The following WWOX variants were observed in gnomAD, a reference collection of about 807,000 sequenced individuals.
The protein encoded by WWOX is WW domain containing oxidoreductase, also known as WW domain-containing oxidoreductase.
WWOX carries 69 observed loss-of-function variants against 46.2 expected under a neutral mutation model. The observed-to-expected ratio is 1.49, with a 90% CI of 1.23 to 1.82. WWOX has a LOEUF of 1.82. Ranked by LOEUF, WWOX falls within the 40% of genes most tolerant of loss-of-function variation. WWOX has a pLI of 0.00. For missense variants in WWOX, 919 were observed against 542.6 expected (o/e 1.69, Z -6.89); for synonymous variants, 359 against 202.6 (o/e 1.77, Z -6.56).
intron 6 of WWOX, among the ~76,000 whole-genome samples, chr16:78,396,743 C>G (rs1181500014): frequency 6.6e-6 from 1 of 152,186 alleles, no homozygotes; most frequent in East Asian, 1.9e-4. Context: ...TCTCATCAGC[C>G]AGACAGTCTC....
chr16:78,505,261 C>A (rs149846511), intron 8 of WWOX, among the ~76,000 whole-genome samples: 2 of 152,240 alleles, frequency 1.3e-5, no homozygotes, highest in South Asian at 2.1e-4. Context: ...GAATATTGTT[C>A]TTTTCTGTTT....
At chr16:78,903,589 A>G (rs896108247) in intron 8 of WWOX, among the ~76,000 whole-genome samples, 1 of 152,178 alleles carries the variant, frequency 6.6e-6, no homozygotes, top group Admixed American at 6.5e-5. Flanking sequence ...TTAGGCGTGG[A>G]AAGTTAAGGG....
chr16:78,942,802 C>T (rs964773294), intron 8 of WWOX, among the ~76,000 whole-genome samples: 6 of 152,180 alleles, frequency 3.9e-5, no homozygotes, highest in East Asian at 1.9e-4. Context: ...CGTTCATGCA[C>T]TTCTCTCTGG....
intron 4 of WWOX, among the ~76,000 whole-genome samples, chr16:78,150,262 C>T (rs932123865): frequency 1.3e-5 from 2 of 152,200 alleles, no homozygotes; most frequent in Non-Finnish European, 2.9e-5. Flanking sequence ...GTACATAGGG[C>T]CAGGCATGCG....
chr16:79,080,248 A>G (rs1371953797), intron 8 of WWOX, among the ~76,000 whole-genome samples: 2 of 152,342 alleles, frequency 1.3e-5, no homozygotes, highest in South Asian at 2.1e-4. Flanking sequence ...CGATAGAGAC[A>G]GAAACCCACA....
intron 8 of WWOX, among the ~76,000 whole-genome samples, chr16:78,712,270 G>A (rs1454285896): frequency 2.6e-5 from 4 of 152,098 alleles, no homozygotes; most frequent in Non-Finnish European, 1.5e-5. Context: ...TTGGGAGGCC[G>A]AGGTGGGCAG....
chr16:78,490,297 C>G (rs941093200), intron 8 of WWOX, among the ~76,000 whole-genome samples: 1 of 132,166 alleles, frequency 7.6e-6, no homozygotes, highest in East Asian at 2.0e-4. Context: ...TTGTTTAACA[C>G]ACAAATAACT....
chr16:79,143,086 C>T (rs376195086), intron 8 of WWOX, among the ~76,000 whole-genome samples: 1 of 152,028 alleles, frequency 6.6e-6, no homozygotes, highest in Non-Finnish European at 1.5e-5. Context: ...GTTTAAGGTT[C>T]AGAAGTATTT....
At chr16:79,171,977 A>T (rs1040862419) in intron 8 of WWOX, among the ~76,000 whole-genome samples, 2 of 152,340 alleles carry the variant, frequency 1.3e-5, no homozygotes, top group South Asian at 4.1e-4. Context: ...TGCAGTTGGC[A>T]GTTTGCCATG....
chr16:78,511,483 G>C (rs999674975), intron 8 of WWOX, among the ~76,000 whole-genome samples: 5 of 152,226 alleles, frequency 3.3e-5, no homozygotes, highest in Non-Finnish European at 5.9e-5. Context: ...GTACTTCAGA[G>C]GGCAGGCCTG....
intron 5 of WWOX, among the ~76,000 whole-genome samples, chr16:78,249,159 C>T (rs950764015): frequency 2.6e-5 from 4 of 152,004 alleles, no homozygotes; most frequent in Non-Finnish European, 5.9e-5. Context: ...GGCGTCATGC[C>T]CCGTTTTATA....
intron 8 of WWOX, among the ~76,000 whole-genome samples, chr16:78,851,734 C>T (rs566010419): frequency 6.6e-6 from 1 of 152,178 alleles, no homozygotes; most frequent in African/African-American, 2.4e-5. Context: ...ATGAAGTGGA[C>T]CTCCCCTAAA....
intron 5 of WWOX, among the ~76,000 whole-genome samples, chr16:78,351,643 C>G (rs1048556637): frequency 6.6e-6 from 1 of 152,072 alleles, no homozygotes; most frequent in Non-Finnish European, 1.5e-5. Context: ...ATCAGCCCTG[C>G]GTGGCTATGC....
chr16:78,989,267 T>C (rs958335837), intron 8 of WWOX, among the ~76,000 whole-genome samples: 9 of 152,026 alleles, frequency 5.9e-5, no homozygotes, highest in Non-Finnish European at 1.3e-4. Flanking sequence ...TCTAATTCAA[T>C]TAGAAGGCCT....
At chr16:78,957,154 A>G (rs896681278) in intron 8 of WWOX, among the ~76,000 whole-genome samples, 15 of 152,192 alleles carry the variant, frequency 9.9e-5, no homozygotes, top group South Asian at 4.1e-4. Context: ...GAGTGTTGCA[A>G]TCTGAGGTAT....
At chr16:78,184,781 C>G (rs960752134) in intron 5 of WWOX, among the ~76,000 whole-genome samples, 2 of 152,140 alleles carry the variant, frequency 1.3e-5, no homozygotes, top group African/African-American at 4.8e-5. Flanking sequence ...CCCTCATACT[C>G]AGAGAGATGT....
intron 8 of WWOX, among the ~76,000 whole-genome samples, chr16:78,485,869 A>C (rs1312120538): frequency 6.6e-6 from 1 of 152,214 alleles, no homozygotes; most frequent in East Asian, 1.9e-4. Flanking sequence ...GAATGTCAGC[A>C]TGGATCACTT....
At chr16:78,264,422 A>T (rs2079317326) in intron 5 of WWOX, 1 of 152,114 alleles carries the variant, frequency 6.6e-6, no homozygotes. Context: ...TTTTAAACAA[A>T]ATATCCTAAT....
At chr16:78,722,578 C>G (rs76494689) in intron 8 of WWOX, among the ~76,000 whole-genome samples, 9,731 of 151,784 alleles carry the variant, frequency 0.064, 454 homozygotes, top group Non-Finnish European at 0.071. Flanking sequence ...CCTCCAGTAG[C>G]TGTAGAATTT....
Sources: allele counts gnomAD v4.1 joint callset (sites outside exome capture counted in the v4.1 genomes callset), GRCh38; gene constraint gnomAD v4.1.1; transcripts MANE v1.5; gene names NCBI Gene and HGNC (gene_info 2026-07-23, HGNC 2026-07-21).